CRB1: variants seen among roughly 807,000 people sequenced by gnomAD.
The protein encoded by CRB1 is protein crumbs homolog 1.
A neutral mutation model predicts 120.0 loss-of-function variants in CRB1; 83 were observed. The ratio of observed to expected loss-of-function variants is 0.69; its 90% CI spans 0.58 to 0.83. CRB1 has a LOEUF of 0.83. CRB1 is among the 40% of genes least tolerant of loss of function. CRB1 has a pLI of 0.00. For synonymous variants in CRB1, 625 were observed against 612.5 expected, an observed-to-expected ratio of 1.02 and a Z score of -0.30; for missense variants, 1,699 against 1,687.6, an observed-to-expected ratio of 1.01 and a Z score of -0.12.
At chr1:197,305,062 A>C (rs534364526) in intron 1 of CRB1, among the ~76,000 whole-genome samples, 1 of 152,150 alleles carries the variant, frequency 6.6e-6, no homozygotes, top group Non-Finnish European at 1.5e-5. Context: ...CTTATTCTCA[A>C]TACTAAATTT....
chr1:197,323,899 T>A (rs890120995), intron 1 of CRB1, among the ~76,000 whole-genome samples: 1 of 152,080 alleles, frequency 6.6e-6, no homozygotes, highest in Non-Finnish European at 1.5e-5. Context: ...AAAAGAAACC[T>A]TTGAACCGGC....
intron 11 of CRB1, among the ~76,000 whole-genome samples, chr1:197,476,172 AGT>A (rs1667187918): frequency 1.3e-5 from 2 of 151,920 alleles, no homozygotes; most frequent in South Asian, 4.2e-4. Context: ...AGCTTCCGAA[AGT>A]GCTGGGATTA....
At chr1:197,420,703 A>G (rs1664257670) in intron 5 of CRB1, among the ~76,000 whole-genome samples, 2 of 152,204 alleles carry the variant, frequency 1.3e-5, no homozygotes, top group African/African-American at 4.8e-5. Flanking sequence ...TGTTTGTATG[A>G]TATTCAGTGC....
chr1:197,282,642 G>T (rs980639763), intron 1 of CRB1, among the ~76,000 whole-genome samples: 1 of 151,764 alleles, frequency 6.6e-6, no homozygotes, highest in Admixed American at 6.6e-5. Flanking sequence ...AATATTTCCT[G>T]CAGTCTCTTA....
chr1:197,308,535 A>T (rs1657310203), intron 1 of CRB1, among the ~76,000 whole-genome samples: 2 of 152,346 alleles, frequency 1.3e-5, no homozygotes, highest in East Asian at 3.9e-4. Flanking sequence ...CTATATAAAA[A>T]TTTTTAAAAA....
chr1:197,460,001 C>CT lies in CRB1; in HGVS notation c.4006-17641dup, dbSNP rs10679172. On this transcript the variant is annotated intron_variant, in intron 11 of 11. Transcript: ENST00000367400. ...AGTAAGTCTTGCTTTAAGCCCCCCT[C>CT]TTTTTTTTTTTTTTTTTTTTTTACT... 8.5e-3 allele frequency among the ~76,000 whole-genome samples: 643 copies of CT among 75,644 alleles called. 18 individuals are homozygous for CT. Among genetic ancestry groups the CT allele is most frequent in the African/African-American group, 0.018 (414 of 22,592 alleles). 49.6% of individuals were successfully genotyped at this position (75,644 alleles called of 152,430 possible). A position where few individuals can be genotyped will look rare whatever the true frequency, so the allele number is the denominator to read the frequency against.
intron 7 of CRB1, among the ~76,000 whole-genome samples, chr1:197,428,308 C>T (rs986097861): frequency 7.2e-5 from 11 of 152,176 alleles, no homozygotes; most frequent in African/African-American, 1.9e-4. Context: ...TCCTAAACTC[C>T]TAATGGCACA....
At chr1:197,228,508 A>T in the CRB1 span, among the ~76,000 whole-genome samples, 2 of 152,128 alleles carry the variant, frequency 1.3e-5, no homozygotes, top group Non-Finnish European at 1.5e-5. Flanking sequence ...CAAGTTCCTC[A>T]TCTCCATCTG....
chr1:197,470,051 A>C (rs1343106137), intron 11 of CRB1, among the ~76,000 whole-genome samples: 1 of 152,126 alleles, frequency 6.6e-6, no homozygotes, highest in Non-Finnish European at 1.5e-5. Flanking sequence ...TTACGTAAAA[A>C]TCCCAAGAGG....
In CRB1 at chr1:197,435,065, A is replaced by G. The variant is rs886045787; in HGVS notation, c.3202A>G (p.Thr1068Ala). 6.2e-6 allele frequency: 10 copies of G among 1,613,868 alleles called. No individual in the cohort carries two copies. In the African/African-American group the frequency reaches 6.7e-5, roughly 11 times the overall value. The part of the protein sequence containing the change: ...ETPFVTSTIA[T>A]GSLNFLKDNT... ...ACCTTTTGTGACCAGCACAATTGCT[A>G]CTGGAAGCCTCAACTTTTTGAAGGA... The change falls in exon 9 of 12, where the codon ACT (threonine) becomes GCT (alanine). Residue 1068 changes from threonine (T) to alanine (A), a missense_variant. Thr to Ala is a moderately conservative substitution (Grantham distance 58). Coordinates refer to ENST00000367400, the MANE Select transcript of CRB1 (RefSeq NM_201253.3).
chr1:197,342,597 C>T (rs1490684322), intron 2 of CRB1, among the ~76,000 whole-genome samples: 1 of 152,054 alleles, frequency 6.6e-6, no homozygotes, highest in African/African-American at 2.4e-5. Context: ...CTGGCTGCTC[C>T]AAATTTTTCC....
intron 2 of CRB1, among the ~76,000 whole-genome samples, chr1:197,331,113 G>A (rs1476548229): frequency 2.0e-5 from 3 of 151,760 alleles, no homozygotes; most frequent in Admixed American, 6.6e-5. Context: ...AGCCGAGATC[G>A]CGCCACTGCA....
chr1:197,405,052 C>A (rs944816299), intron 5 of CRB1, among the ~76,000 whole-genome samples: 1 of 151,226 alleles, frequency 6.6e-6, no homozygotes, highest in Admixed American at 6.6e-5. Flanking sequence ...CTCGCCCTCT[C>A]CCTCTCCCTC....
chr1:197,281,001 C>T (rs1236815289), intron 1 of CRB1, among the ~76,000 whole-genome samples: 1 of 151,854 alleles, frequency 6.6e-6, no homozygotes, highest in Non-Finnish European at 1.5e-5. Context: ...ACTCCTGATG[C>T]TATGATTTCA....
intron 5 of CRB1, among the ~76,000 whole-genome samples, chr1:197,392,770 A>T (rs943378500): frequency 3.9e-5 from 6 of 152,142 alleles, no homozygotes; most frequent in African/African-American, 1.4e-4. Context: ...AAAATATGCA[A>T]AGTTCACCAG....
At chr1:197,202,008 C>T in the CRB1 span, among the ~76,000 whole-genome samples, 1 of 152,202 alleles carries the variant, frequency 6.6e-6, no homozygotes, top group East Asian at 1.9e-4. Flanking sequence ...TTCTGAGTCC[C>T]AGGAGGTGCT....
intron 1 of CRB1, among the ~76,000 whole-genome samples, chr1:197,327,635 T>C (rs189221978): frequency 3.9e-5 from 6 of 152,336 alleles, no homozygotes; most frequent in African/African-American, 1.4e-4. Context: ...ACAAAAAAAC[T>C]TTATTTTAGC....
intron 11 of CRB1, among the ~76,000 whole-genome samples, chr1:197,454,505 G>A (rs1332667263): frequency 6.6e-6 from 1 of 151,984 alleles, no homozygotes; most frequent in Non-Finnish European, 1.5e-5. Context: ...CAGGCTTCAC[G>A]GAAATCATGC....
intron 2 of CRB1, among the ~76,000 whole-genome samples, chr1:197,330,636 C>T (rs1658795355): frequency 6.6e-6 from 1 of 152,180 alleles, no homozygotes; most frequent in Non-Finnish European, 1.5e-5. Flanking sequence ...GTTCAAATAT[C>T]ACCCAACACA....
Sources: allele counts gnomAD v4.1 joint callset (sites outside exome capture counted in the v4.1 genomes callset), GRCh38; gene constraint gnomAD v4.1.1; transcripts MANE v1.5; gene names NCBI Gene and HGNC (gene_info 2026-07-23, HGNC 2026-07-21).